PASK: variants seen among roughly 807,000 people sequenced by gnomAD.
PASK encodes PAS domain-containing serine/threonine-protein kinase.
A neutral mutation model predicts 121.0 loss-of-function variants in PASK; 110 were observed. That is an observed-to-expected ratio of 0.91 (90% CI 0.78 to 1.06). The LOEUF is 1.06. Ranked by LOEUF, PASK falls within the 50% of genes least tolerant of loss-of-function variation. The pLI, the probability that PASK is intolerant of heterozygous loss-of-function variation, is 0.00. For missense variants in PASK, 1,643 were observed against 1,702.3 expected (o/e 0.97, Z 0.61); for synonymous variants, 686 against 717.8 (o/e 0.96, Z 0.71).
upstream of PASK, chr2:241,150,303 T>G (rs868692776): frequency 2.6e-4 from 344 of 1,320,882 alleles, 2 homozygotes; most frequent in Middle Eastern, 2.3e-3. Flanking sequence ...TGAAATTACC[T>G]GCTCTGGGGG....
Position 241,143,046 on chromosome 2 carries a change from G to A in PASK, c.-14C>T, listed in dbSNP as rs746738180. ...CCCGTCCTCCATGGGAAGAAGGGAG[G>A]CCAACTGCCAAGCTTCCAACTCTAA... On this transcript the variant is annotated 5_prime_UTR_variant, in exon 2 of 18. Coordinates refer to ENST00000234040, the MANE Select transcript of PASK (RefSeq NM_015148.4). The A allele has an allele frequency of 6.6e-5, 106 of 1,602,324 alleles. No homozygotes were observed. Among genetic ancestry groups the A allele is most frequent in the Non-Finnish European group, 7.5e-5 (88 of 1,169,690 alleles).
chr2:241,149,404 G>A lies in PASK; in HGVS notation c.-43+10C>T, dbSNP rs543333719. 3.0e-5 allele frequency: 14 copies of A among 461,214 alleles called. No homozygotes were observed. The highest frequency in any genetic ancestry group is 8.2e-5 in the Admixed American group (2 of 24,504). The allele number at this position is 461,214 out of a possible 1,614,324, so 28.6% of individuals were successfully genotyped here. On this transcript the variant is annotated intron_variant, in intron 1 of 17. Coordinates refer to ENST00000234040, the MANE Select transcript of PASK (RefSeq NM_015148.4). ...AGCCCGGCCCGCTCTCCCGAGCGCAGGTATCTCACCTGGATCAGGCGAGGG... is the reference window on the plus strand; with the variant it reads ...AGCCCGGCCCGCTCTCCCGAGCGCAAGTATCTCACCTGGATCAGGCGAGGG...
rs1444360683 is a variant in PASK, at chr2:241,112,958, G to C, written c.3334-519C>G. Among the ~76,000 whole-genome samples the C allele has an allele frequency of 6.6e-6, 1 of 152,194 alleles. No individual in the cohort carries two copies. The highest frequency in any genetic ancestry group is 6.5e-5 in the Admixed American group (1 of 15,282). On this transcript the variant is annotated intron_variant, in intron 14 of 17. Coordinates refer to ENST00000234040, the MANE Select transcript of PASK (RefSeq NM_015148.4). The surrounding 1 kb of genome is among the most constrained non-coding windows in gnomAD (Gnocchi z 5.2). The stretch of plus-strand genomic sequence containing the variant: ...CAGAGCTGGGAGCACAGCCTCAGTG[G>C]CTTCTCAGAGAGCAGCATGACGTAT...
Position 241,126,975 on chromosome 2 carries a change from C to T in PASK, c.1940G>A (p.Trp647Ter). The T allele has an allele frequency of 6.2e-7, 1 of 1,614,252 alleles. No homozygotes were observed. The highest frequency in any genetic ancestry group is 8.5e-7 in the Non-Finnish European group (1 of 1,180,044). ...SFGTPTLDEP[W>*]LGVENDREEL... The stretch of plus-strand genomic sequence containing the variant: ...TTCTCGGTCGTTTTCCACTCCCAGC[C>T]ACGGCTCATCTAGAGTAGGTGTCCC... The change falls in exon 10 of 18, where the codon TGG becomes TAG. Residue 647 changes from tryptophan (W) to a stop codon, truncating the protein, a stop_gained. Coordinates refer to ENST00000234040, the MANE Select transcript of PASK (RefSeq NM_015148.4). LOFTEE classifies it high-confidence loss of function.
At chr2:241,124,156 C>A in intron 10 of PASK, 23 bp from the exon 11 acceptor site, 1 of 1,607,662 alleles carries the variant, frequency 6.2e-7, no homozygotes, top group Non-Finnish European at 8.5e-7. Context: ...AAGGTAAGAA[C>A]GCACAGGCCT....
chr2:241,115,397 A>G lies in PASK; in HGVS notation c.3089T>C (p.Ile1030Thr). Residue 1030 changes from isoleucine to threonine, a missense_variant, in exon 13 of 18, where the codon ATT becomes ACT. Ile to Thr is a moderately conservative substitution (Grantham distance 89). Around this residue, in one of 3 missense-constraint regions of PASK, gnomAD observed 453 missense variants for 511.2 expected, o/e 0.89. Coordinates refer to ENST00000234040, the MANE Select transcript of PASK (RefSeq NM_015148.4). ...EKNKEVVVKF[I>T]KKEKVLEDCW... Reference sequence around the variant, plus strand: ...ATCCTCCAAGACCTTCTCCTTCTTAATAAACTTCACCACCACCTGTGAGGA... The same window carrying G: ...ATCCTCCAAGACCTTCTCCTTCTTAGTAAACTTCACCACCACCTGTGAGGA... 2.5e-6 allele frequency: 4 copies of G among 1,613,860 alleles called. No individual in the cohort carries two copies. Among genetic ancestry groups the G allele is most frequent in the Non-Finnish European group, 3.4e-6 (4 of 1,179,856 alleles).
Position 241,108,610 on chromosome 2 carries a change from G to C in PASK, c.3534-310C>G. 2.2e-6 allele frequency: 1 copy of C among 445,166 alleles called. No individual in the cohort carries two copies. The highest frequency in any genetic ancestry group is 2.0e-5 in the South Asian group (1 of 49,438). The allele number at this position is 445,166 out of a possible 1,614,324, so 27.6% of individuals were successfully genotyped here. A position where few individuals can be genotyped will look rare whatever the true frequency, so the allele number is the denominator to read the frequency against. On this transcript the variant is annotated intron_variant, in intron 15 of 17. Transcript: ENST00000234040. The surrounding 1 kb of genome is among the most constrained non-coding windows in gnomAD (Gnocchi z 5.2). ...GGGAGCGGGGGGAGGGCTTCCTGGA[G>C]GAAGCAGAGTACACGTCCATTGGCT...
chr2:241,142,801 C>T, intron 2 of PASK, 36 bp downstream of exon 2: 2 of 1,464,046 alleles, frequency 1.4e-6, no homozygotes, highest in Non-Finnish European at 1.9e-6. Flanking sequence ...TTTGTATTTC[C>T]ACGCGCTAAG....
Position 241,106,742 on chromosome 2 carries a change from A to AACT in PASK, c.3815-22_3815-20dup, listed in dbSNP as rs2064900130. The AACT allele has an allele frequency of 6.2e-7, 1 of 1,612,848 alleles. No homozygotes were observed. The highest frequency in any genetic ancestry group is 8.5e-7 in the Non-Finnish European group (1 of 1,178,994). On this transcript the variant is annotated intron_variant, in intron 17 of 17. Coordinates refer to ENST00000234040, the MANE Select transcript of PASK (RefSeq NM_015148.4). Reference sequence around the variant, plus strand: ...CCACTTTCTGAAGAAACAAGAAGGTAACTGTATCACGTGCTAACAACTTAA... The same window carrying AACT: ...CCACTTTCTGAAGAAACAAGAAGGTAACTACTGTATCACGTGCTAACAACTTAA...
chr2:241,125,985 G>A (rs1375363628), intron 10 of PASK, among the ~76,000 whole-genome samples: 1 of 152,238 alleles, frequency 6.6e-6, no homozygotes, highest in Non-Finnish European at 1.5e-5. Flanking sequence ...CAGGTGGCCT[G>A]GGACCTTGGG....
intron 11 of PASK, among the ~76,000 whole-genome samples, chr2:241,123,293 A>G (rs1485862224): frequency 6.6e-6 from 1 of 150,652 alleles, no homozygotes; most frequent in African/African-American, 2.4e-5. Context: ...CTCCTGCCTC[A>G]GCCTCCCGAG....
upstream of PASK, chr2:241,149,576 G>C: frequency 7.1e-7 from 1 of 1,410,808 alleles, no homozygotes; most frequent in Non-Finnish European, 9.6e-7. Flanking sequence ...CCAGAGTCTA[G>C]AAGCCCGCGC....
intron 5 of PASK, 128 bp downstream of exon 5, chr2:241,138,526 G>T: frequency 1.8e-6 from 2 of 1,115,020 alleles, no homozygotes; most frequent in Non-Finnish European, 2.7e-6. Context: ...GTACCACTGG[G>T]CAGACCCTCC....
intron 1 of PASK, among the ~76,000 whole-genome samples, chr2:241,148,332 G>A (rs2067075542): frequency 6.6e-6 from 1 of 152,142 alleles, no homozygotes; most frequent in East Asian, 1.9e-4. Context: ...CATAAGCTAA[G>A]AAGCAAACAG....
chr2:241,129,727 G>A (rs764968450), intron 9 of PASK, among the ~76,000 whole-genome samples: 53 of 152,340 alleles, frequency 3.5e-4, no homozygotes, highest in African/African-American at 9.4e-4. Context: ...GCATCGCCAC[G>A]CCACTCAGTT....
At chr2:241,125,241 C>A (rs2065799458) in intron 10 of PASK, among the ~76,000 whole-genome samples, 1 of 151,710 alleles carries the variant, frequency 6.6e-6, no homozygotes, top group African/African-American at 2.4e-5. Flanking sequence ...GCGGAGGTTG[C>A]AGTAAGCCGA....
intron 12 of PASK, among the ~76,000 whole-genome samples, chr2:241,118,515 C>CA (rs1444041805): frequency 1.3e-5 from 2 of 152,198 alleles, no homozygotes; most frequent in African/African-American, 2.4e-5. Flanking sequence ...ACCCCAGTCT[C>CA]ACACCACACA....
chr2:241,132,527 T>TTAAAAAA (rs1486560170), intron 9 of PASK, among the ~76,000 whole-genome samples: 1 of 39,526 alleles, frequency 2.5e-5, no homozygotes, highest in African/African-American at 1.0e-4. Flanking sequence ...AGACTCTGTC[T>TTAAAAAA]AAAAAAAAAA....
intron 12 of PASK, among the ~76,000 whole-genome samples, chr2:241,115,783 A>G (rs868256594): frequency 3.3e-4 from 36 of 110,404 alleles, no homozygotes; most frequent in East Asian, 8.5e-4. Context: ...CCATTACGCC[A>G]GGGCCACCCG....
Sources: allele counts gnomAD v4.1 joint callset (sites outside exome capture counted in the v4.1 genomes callset), GRCh38; gene constraint gnomAD v4.1.1; regional missense constraint gnomAD v4.1.1; non-coding constraint Gnocchi (gnomAD v3.1); transcripts MANE v1.5; gene names NCBI Gene and HGNC (gene_info 2026-07-23, HGNC 2026-07-21).